The following SLC2A9 variants were observed in gnomAD, a reference collection of about 807,000 sequenced individuals.
SLC2A9 encodes the protein solute carrier family 2, facilitated glucose transporter member 9.
SLC2A9 carries 39 observed loss-of-function variants against 50.6 expected under a neutral mutation model. That is an observed-to-expected ratio of 0.77 (90% CI 0.60 to 1.01). The LOEUF (loss-of-function observed/expected upper bound fraction) is 1.01, where lower values mean the gene tolerates loss of function less well. Among genes scored for constraint, SLC2A9 ranks in the 50% least tolerant of loss-of-function variants. SLC2A9 has a pLI of 0.00. For missense variants in SLC2A9, 686 were observed against 677.6 expected, an observed-to-expected ratio of 1.01 and a Z score of -0.14; for synonymous variants, 324 against 276.9, an observed-to-expected ratio of 1.17 and a Z score of -1.69.
upstream of SLC2A9, among the ~76,000 whole-genome samples, chr4:10,023,828 T>C (rs79967670): frequency 5.6e-4 from 86 of 152,304 alleles, no homozygotes; most frequent in East Asian, 0.012. Flanking sequence ...AGGGGGAGCA[T>C]GGAGGAGCCT....
chr4:9,868,579 C>T (rs1377292535), intron 10 of SLC2A9, among the ~76,000 whole-genome samples: 4 of 152,136 alleles, frequency 2.6e-5, no homozygotes, highest in African/African-American at 9.7e-5. Context: ...CCCTAGAGTC[C>T]TCTGCACCCC....
chr4:10,025,908 T>C (rs1227298600), upstream of SLC2A9: 2 of 1,614,096 alleles, frequency 1.2e-6, no homozygotes, highest in Non-Finnish European at 1.7e-6. Flanking sequence ...ACTGACCAAT[T>C]TCTTTTTCGC....
intron 6 of SLC2A9, among the ~76,000 whole-genome samples, chr4:9,925,623 A>C (rs927801519): frequency 2.0e-5 from 3 of 152,214 alleles, no homozygotes; most frequent in Admixed American, 6.5e-5. Context: ...ATGTGTGTTA[A>C]GTGTTGGCAC....
At chr4:9,892,706 T>C (rs1169416783) in intron 8 of SLC2A9, among the ~76,000 whole-genome samples, 1 of 152,176 alleles carries the variant, frequency 6.6e-6, no homozygotes, top group Admixed American at 6.5e-5. Flanking sequence ...AGGTTGCCAA[T>C]AAATGGCAGG....
At chr4:9,794,051 C>T (rs774793923) in intron 3 of SLC2A9, among the ~76,000 whole-genome samples, 10 of 152,168 alleles carry the variant, frequency 6.6e-5, no homozygotes, top group Non-Finnish European at 1.0e-4. Flanking sequence ...AATGAAACCA[C>T]CATGCTTACA....
chr4:10,040,186 T>C (rs538396445), exon 1 of SLC2A9: 29 of 152,394 alleles, frequency 1.9e-4, no homozygotes, highest in African/African-American at 6.7e-4. Context: ...AGGAAGAGTT[T>C]TCATGCCCCT....
intron 5 of SLC2A9, 33 bp downstream of exon 5, chr4:9,980,559 A>G: frequency 6.2e-7 from 1 of 1,613,672 alleles, no homozygotes; most frequent in Non-Finnish European, 8.5e-7. Flanking sequence ...ATGAGATGAG[A>G]GCAGATGCGG....
At chr4:9,857,483 C>T (rs574241277) in intron 10 of SLC2A9, among the ~76,000 whole-genome samples, 1 of 152,320 alleles carries the variant, frequency 6.6e-6, no homozygotes, top group African/African-American at 2.4e-5. Flanking sequence ...TCCATCTTCC[C>T]TCACCATCTC....
At chr4:9,910,726 G>A (rs761889801) in intron 7 of SLC2A9, among the ~76,000 whole-genome samples, 18 of 152,204 alleles carry the variant, frequency 1.2e-4, no homozygotes, top group African/African-American at 4.3e-4. Context: ...TCACAACCCC[G>A]TCTTCCCTGG....
chr4:9,986,344 G>A (rs772215870), intron 3 of SLC2A9, among the ~76,000 whole-genome samples: 6 of 152,172 alleles, frequency 3.9e-5, no homozygotes, highest in Non-Finnish European at 8.8e-5. Flanking sequence ...TTCTGGTTCT[G>A]GAAATGGACA....
chr4:9,953,122 T>A (rs1337271535), intron 5 of SLC2A9, among the ~76,000 whole-genome samples: 1 of 152,242 alleles, frequency 6.6e-6, no homozygotes, highest in African/African-American at 2.4e-5. Flanking sequence ...AAAAGTCTTT[T>A]AGGAGGTTCG....
intron 5 of SLC2A9, among the ~76,000 whole-genome samples, chr4:9,978,663 T>C (rs1755206667): frequency 1.3e-5 from 2 of 152,228 alleles, no homozygotes; most frequent in Admixed American, 1.3e-4. Flanking sequence ...TCGCAATTAA[T>C]TATAGAAATC....
At chr4:9,893,999 C>G (rs1436751472) in intron 8 of SLC2A9, among the ~76,000 whole-genome samples, 1 of 152,162 alleles carries the variant, frequency 6.6e-6, no homozygotes, top group African/African-American at 2.4e-5. Context: ...GCTAACTATT[C>G]AGAGAGAAGG....
rs4385058 is a variant in SLC2A9, at chr4:9,953,935, G to A, written c.682-11890C>T. 8.6e-5 allele frequency among the ~76,000 whole-genome samples: 13 copies of A among 151,714 alleles called. No individual in the cohort carries two copies. In the East Asian group the frequency reaches 2.3e-3, roughly 27 times the overall value. On this transcript the variant is annotated intron_variant, in intron 5 of 11. Coordinates refer to ENST00000264784, the MANE Select transcript of SLC2A9 (RefSeq NM_020041.3). ...AGCAATTCTCCTGCCTCAGCCTCCCGAGTAGCTGGGATTACAGGCATGAGC... is the reference window on the plus strand; with the variant it reads ...AGCAATTCTCCTGCCTCAGCCTCCCAAGTAGCTGGGATTACAGGCATGAGC...
At chr4:9,943,726 G>A (rs1251661764) in intron 5 of SLC2A9, among the ~76,000 whole-genome samples, 1 of 152,086 alleles carries the variant, frequency 6.6e-6, no homozygotes, top group African/African-American at 2.4e-5. Context: ...TGGAATTTTC[G>A]CTAGGCCTGT....
Position 9,942,048 on chromosome 4 carries a change from G to A in SLC2A9, c.682-3C>T, listed in dbSNP as rs1169837736. The A allele has an allele frequency of 2.5e-6, 4 of 1,613,936 alleles. No homozygotes were observed. In the Admixed American group the frequency reaches 6.7e-5, roughly 27 times the overall value. ...AACAGGTATGGCCAGGTACTCTCCT[G>A]TGGGAGAAGGAGATGCTGCTGAGTG... is the stretch of plus-strand genomic sequence containing the variant. On this transcript the variant is annotated splice_polypyrimidine_tract_variant and splice_region_variant and intron_variant, in intron 5 of 11. Coordinates refer to ENST00000264784, the MANE Select transcript of SLC2A9 (RefSeq NM_020041.3).
chr4:9,858,774 G>A (rs1346679207), intron 10 of SLC2A9, among the ~76,000 whole-genome samples: 3 of 152,192 alleles, frequency 2.0e-5, no homozygotes, highest in Admixed American at 6.5e-5. Flanking sequence ...GGGTGTGTCC[G>A]TGAGGGTGTT....
intron 3 of SLC2A9, among the ~76,000 whole-genome samples, chr4:9,793,149 C>G (rs746952349): frequency 5.3e-5 from 8 of 152,322 alleles, no homozygotes; most frequent in African/African-American, 1.9e-4. Flanking sequence ...CAAGATTTTG[C>G]AGCCTGAACA....
chr4:9,771,645 G>A (rs1266041015), intron 1 of SLC2A9, among the ~76,000 whole-genome samples: 2 of 152,244 alleles, frequency 1.3e-5, no homozygotes, highest in Admixed American at 6.5e-5. Flanking sequence ...GTGGTTTGCA[G>A]CTGGGAAAGA....
Sources: allele counts gnomAD v4.1 joint callset (sites outside exome capture counted in the v4.1 genomes callset), GRCh38; gene constraint gnomAD v4.1.1; transcripts MANE v1.5; gene names NCBI Gene and HGNC (gene_info 2026-07-23, HGNC 2026-07-21).